INCENP: variants seen among roughly 807,000 people sequenced by gnomAD.
INCENP encodes binds and activates aurora-B and -C in vivo and in vitro.
A neutral mutation model predicts 107.3 loss-of-function variants in INCENP; 43 were observed. That is an observed-to-expected ratio of 0.40 (90% confidence interval 0.31 to 0.52). The LOEUF is 0.52. INCENP is among the 20% of genes least tolerant of loss of function. The pLI, the probability that INCENP is intolerant of heterozygous loss-of-function variation, is 0.53. For missense variants in INCENP, 1,089 were observed against 1,250.9 expected, an observed-to-expected ratio of 0.87 and a Z score of 1.95; for synonymous variants, 488 against 494.4, an observed-to-expected ratio of 0.99 and a Z score of 0.17.
chr11:62,150,922 G>A (rs1252365967), intron 18 of INCENP, among the ~76,000 whole-genome samples: 2 of 152,188 alleles, frequency 1.3e-5, no homozygotes, highest in Non-Finnish European at 2.9e-5. Context: ...GAATCCCATA[G>A]CTGGTAGGCA....
intron 4 of INCENP, among the ~76,000 whole-genome samples, chr11:62,135,290 T>A (rs779754988): frequency 6.6e-5 from 10 of 152,044 alleles, no homozygotes; most frequent in African/African-American, 2.4e-4. Flanking sequence ...GTTTTTGAGA[T>A]GAAATCTCAC....
Position 62,141,053 on chromosome 11 carries a change from C to T in INCENP, c.1593+9C>T, listed in dbSNP as rs868170478. 6.2e-7 allele frequency: 1 copy of T among 1,611,522 alleles called. No individual in the cohort carries two copies. The highest frequency in any genetic ancestry group is 1.1e-5 in the South Asian group (1 of 90,728). ...TGCGCATGGACCCCAAGGTGAGGGG[C>T]CTGTGCCCAGGCCGGGCTTTGTGGG... is the stretch of plus-strand genomic sequence containing the variant. On this transcript the variant is annotated intron_variant, in intron 10 of 18. Transcript: ENST00000394818.
chr11:62,146,588 G>T, intron 14 of INCENP, 70 bp from the exon 15 acceptor site: 4 of 1,537,766 alleles, frequency 2.6e-6, no homozygotes, highest in South Asian at 1.2e-5. Flanking sequence ...GGCTTCGGGG[G>T]AGTAGGGCTG....
In INCENP at chr11:62,145,079, A is replaced by G. The variant is rs1250690596; in HGVS notation, c.1703A>G (p.Glu568Gly). The change falls in exon 12 of 19, where the codon GAG (glutamate) becomes GGG (glycine). Residue 568 changes from glutamate to glycine, a missense_variant. Coordinates refer to ENST00000394818, the MANE Select transcript of INCENP (RefSeq NM_001040694.2). ...GAGGAGGACAAGCGGCGGCGGCTGG[A>G]GGAGGTGAAGCTGTAAGTGGCCTGG... ...KVEEDKRRRL[E>G]EVKLKREERL... The G allele has an allele frequency of 6.2e-7, 1 of 1,613,586 alleles. No individual in the cohort carries two copies. Among genetic ancestry groups the G allele is most frequent in the South Asian group, 1.1e-5 (1 of 91,076 alleles).
rs201085297 is a variant in INCENP at position 62,151,769 on chromosome 11, G to T, written c.2550G>T (p.Pro850=). 2.5e-6 allele frequency: 4 copies of T among 1,613,910 alleles called. No individual in the cohort carries two copies. The highest frequency in any genetic ancestry group is 2.2e-5 in the South Asian group (2 of 91,072). The change falls in exon 19 of 19, where the codon CCG becomes CCT. Residue 850 remains proline, a synonymous_variant. Transcript: ENST00000394818. ...GTCTGTGGTCTCCTGCAGGCACCCCGCTCAGCCAGGCTATCATTCACCAGT... is the reference window on the plus strand; with the variant it reads ...GTCTGTGGTCTCCTGCAGGCACCCCTCTCAGCCAGGCTATCATTCACCAGT... The part of the protein sequence containing the change: ...KPIPTWARGT[P]LSQAIIHQYY...
At chr11:62,140,875 C>T in intron 9 of INCENP, 38 bp from the exon 10 acceptor site, 1 of 1,613,788 alleles carries the variant, frequency 6.2e-7, no homozygotes. Context: ...AGTACCCTGC[C>T]CCGCCTGCCC....
rs368225096 is a variant in INCENP at position 62,129,744 on chromosome 11, G to T, written c.255-38G>T. 1.8e-5 allele frequency: 28 copies of T among 1,546,836 alleles called. No individual in the cohort carries two copies. In the African/African-American group the frequency reaches 3.6e-4, roughly 20 times the overall value. ...GAGAGACTGGGTGCCACCCTGTCCTGCTGCCCGTCTCAGCCTCTGCCCTGC... is the reference window on the plus strand; with the variant it reads ...GAGAGACTGGGTGCCACCCTGTCCTTCTGCCCGTCTCAGCCTCTGCCCTGC... On this transcript the variant is annotated intron_variant, in intron 3 of 18. Transcript: ENST00000394818.
chr11:62,142,529 G>GGAGA (rs1383802786), intron 11 of INCENP, among the ~76,000 whole-genome samples: 1 of 152,258 alleles, frequency 6.6e-6, no homozygotes, highest in Admixed American at 6.5e-5. Context: ...TCCATAGTTA[G>GGAGA]GAGACCAGGG....
intron 11 of INCENP, 86 bp from the exon 12 acceptor site, chr11:62,144,896 C>A: frequency 8.2e-7 from 1 of 1,213,282 alleles, no homozygotes; most frequent in Non-Finnish European, 1.2e-6. Context: ...TGGCTGCAGG[C>A]TGCTGGGGAC....
intron 7 of INCENP, 82 bp from the exon 8 acceptor site, chr11:62,140,152 G>A (rs2134650516): frequency 4.1e-6 from 5 of 1,220,872 alleles, no homozygotes; most frequent in African/African-American, 3.0e-5. Flanking sequence ...TGCTGCCCAA[G>A]GACCCCTTCC....
Position 62,139,221 on chromosome 11 carries a change from T to C in INCENP, c.1291+216T>C, listed in dbSNP as rs148336204. Among the ~76,000 whole-genome samples the C allele has an allele frequency of 9.9e-4, 150 of 152,236 alleles. 1 individual carries two copies. Among genetic ancestry groups the C allele is most frequent in the African/African-American group, 3.2e-3 (134 of 41,530 alleles). On this transcript the variant is annotated intron_variant, in intron 7 of 18. Coordinates refer to ENST00000394818, the MANE Select transcript of INCENP (RefSeq NM_001040694.2). The stretch of plus-strand genomic sequence containing the variant: ...TGTCACTGAGTGCAGCATGGGGGGC[T>C]GTGGCTGGTTGGGACAGGAAGCAGA...
At chr11:62,124,909 T>C (rs1943717791) in intron 1 of INCENP, among the ~76,000 whole-genome samples, 1 of 152,260 alleles carries the variant, frequency 6.6e-6, no homozygotes, top group African/African-American at 2.4e-5. Flanking sequence ...GACTCGGGCA[T>C]GGAGTATGAC....
Position 62,138,944 on chromosome 11 carries a change from C to A in INCENP, c.1230C>A (p.Asn410Lys). 1 of 1,614,164 alleles carries A rather than the reference C, an allele frequency of 6.2e-7. No homozygotes were observed. The highest frequency in any genetic ancestry group is 8.5e-7 in the Non-Finnish European group (1 of 1,179,996). The change falls in exon 7 of 19, where the codon AAC (asparagine) becomes AAA (lysine). Residue 410 changes from asparagine (N) to lysine (K), a missense_variant. Coordinates refer to ENST00000394818, the MANE Select transcript of INCENP (RefSeq NM_001040694.2). ...CCCACAATGACACGGAGATTGCCAA[C>A]AGCACACCCAACCCGAAGCCTGCAG... ...SWPHNDTEIA[N>K]STPNPKPAAS...
At chr11:62,126,577 T>C (rs1294963017) in intron 1 of INCENP, among the ~76,000 whole-genome samples, 1 of 152,240 alleles carries the variant, frequency 6.6e-6, no homozygotes, top group Non-Finnish European at 1.5e-5. Flanking sequence ...TTATGGCTTA[T>C]GACCACCACC....
At chr11:62,145,596 G>C in intron 13 of INCENP, 33 bp from the exon 14 acceptor site, 3 of 1,578,888 alleles carry the variant, frequency 1.9e-6, no homozygotes. Flanking sequence ...GAATGTGGGT[G>C]CTCCAATGGG....
chr11:62,144,239 C>T (rs1027478635), intron 11 of INCENP, among the ~76,000 whole-genome samples: 5 of 150,946 alleles, frequency 3.3e-5, no homozygotes, highest in Admixed American at 6.6e-5. Flanking sequence ...GGCTGAGGCA[C>T]GAGAATTGCT....
Position 62,141,011 on chromosome 11 carries a change from T to TAA in INCENP, c.1561_1562dup (p.Arg522SerfsTer50). On this transcript the variant is annotated frameshift_variant, in exon 10 of 19. Transcript: ENST00000394818. Reference sequence around the variant, plus strand: ...CACGCAGCGTCATGAAGTCCTTTATTAAGCGCAACACTCCCCTGCGCATGG... The same window carrying TAA: ...CACGCAGCGTCATGAAGTCCTTTATTAAAAGCGCAACACTCCCCTGCGCATGG... 4 of 1,613,994 alleles carry TAA rather than the reference T, an allele frequency of 2.5e-6. No individual in the cohort carries two copies. The highest frequency in any genetic ancestry group is 3.4e-6 in the Non-Finnish European group (4 of 1,179,970).
chr11:62,145,042 A>C lies in INCENP; in HGVS notation c.1666A>C (p.Arg556=), dbSNP rs751890600. The C allele has an allele frequency of 8.7e-6, 14 of 1,611,928 alleles. No individual in the cohort carries two copies. The highest frequency in any genetic ancestry group is 1.0e-5 in the Non-Finnish European group (12 of 1,179,376). The change falls in exon 12 of 19, where the codon AGG becomes CGG. Residue 556 remains arginine (R), a synonymous_variant. Transcript: ENST00000394818. The part of the protein sequence containing the change: ...RRKEEAEQLR[R]QKVEEDKRRR... ...GAAGGAGGAGGCCGAGCAGCTGCGC[A>C]GGCAGAAGGTGGAGGAGGACAAGCG...
intron 11 of INCENP, among the ~76,000 whole-genome samples, chr11:62,143,078 C>G (rs965043474): frequency 3.9e-5 from 6 of 152,326 alleles, no homozygotes; most frequent in African/African-American, 1.4e-4. Context: ...CACAGCTCCT[C>G]CTCTGAGTTT....
Sources: gnomAD v4.1 joint callset for allele counts (sites outside exome capture counted in the v4.1 genomes callset) on GRCh38, gnomAD v4.1.1 for gene constraint, MANE v1.5 for transcripts, NCBI Gene and HGNC (gene_info 2026-07-23, HGNC 2026-07-21) for gene names.